The following SLC38A12 variants were observed in gnomAD, a reference collection of about 807,000 sequenced individuals.
The protein encoded by SLC38A12 is putative sodium-coupled neutral amino acid transporter 12.
At chr17:74,816,722 C>T in the SLC38A12 span, among the ~76,000 whole-genome samples, 4 of 151,754 alleles carry the variant, frequency 2.6e-5, no homozygotes, top group Non-Finnish European at 5.9e-5. Context: ...TGCAGCGACT[C>T]GTGTCTCTGC....
At chr17:74,831,718 T>C in the SLC38A12 span, among the ~76,000 whole-genome samples, 1 of 152,232 alleles carries the variant, frequency 6.6e-6, no homozygotes, top group African/African-American at 2.4e-5. Context: ...CCGACCCCCC[T>C]GCACATCTGA....
At chr17:74,822,737 C>T in the SLC38A12 span, among the ~76,000 whole-genome samples, 1 of 152,200 alleles carries the variant, frequency 6.6e-6, no homozygotes, top group Non-Finnish European at 1.5e-5. Flanking sequence ...AACTCTGAAG[C>T]GCAGCTGGGT....
chr17:74,787,894 A>G, the SLC38A12 span, among the ~76,000 whole-genome samples: 1 of 151,730 alleles, frequency 6.6e-6, no homozygotes, highest in African/African-American at 2.4e-5. Context: ...CCCGGATTCA[A>G]GCAATTCTCC....
chr17:74,809,967 A>G, the SLC38A12 span, among the ~76,000 whole-genome samples: 149 of 152,154 alleles, frequency 9.8e-4, 1 homozygote, highest in African/African-American at 3.4e-3. Context: ...TTTCCTCCCG[A>G]CCAGCCCCTG....
chr17:74,808,331 T>G, the SLC38A12 span, among the ~76,000 whole-genome samples: 3 of 152,250 alleles, frequency 2.0e-5, no homozygotes, highest in Admixed American at 2.0e-4. Flanking sequence ...GGGACTGGGC[T>G]TTGACTGAAG....
the SLC38A12 span, among the ~76,000 whole-genome samples, chr17:74,792,132 C>T: frequency 1.4e-5 from 2 of 141,122 alleles, no homozygotes; most frequent in African/African-American, 2.7e-5. Context: ...GGCTACAGAG[C>T]GAGACTCCGT....
chr17:74,805,754 A>G, the SLC38A12 span, among the ~76,000 whole-genome samples: 2 of 152,094 alleles, frequency 1.3e-5, no homozygotes, highest in South Asian at 2.1e-4. This position sits in a 1 kb window ranked among gnomAD's most constrained non-coding sequence, Gnocchi z 5.0. Context: ...TGCTTCCTCC[A>G]GCTCCTGCTG....
the SLC38A12 span, among the ~76,000 whole-genome samples, chr17:74,799,951 C>T: frequency 6.6e-6 from 1 of 152,234 alleles, no homozygotes; most frequent in Non-Finnish European, 1.5e-5. Flanking sequence ...TACCTTGCAT[C>T]GGTGTAGCAC....
At chr17:74,798,846 C>G in the SLC38A12 span, among the ~76,000 whole-genome samples, 13 of 151,506 alleles carry the variant, frequency 8.6e-5, no homozygotes, top group Admixed American at 3.3e-4. Flanking sequence ...GGGAACATCT[C>G]AGGATTCTTT....
the SLC38A12 span, chr17:74,836,996 A>G: frequency 7.0e-5 from 82 of 1,169,278 alleles, no homozygotes; most frequent in Non-Finnish European, 7.4e-5. This position sits in a 1 kb window ranked among gnomAD's most constrained non-coding sequence, Gnocchi z 4.2. Context: ...CTTCACCCCC[A>G]ACCCTACTTC....
At chr17:74,819,655 T>A in the SLC38A12 span, 1 of 1,239,062 alleles carries the variant, frequency 8.1e-7, no homozygotes, top group Non-Finnish European at 1.2e-6. Context: ...CGGCCTTAGC[T>A]ATGGGCGGAG....
the SLC38A12 span, chr17:74,836,424 C>T: frequency 6.2e-7 from 1 of 1,609,710 alleles, no homozygotes; most frequent in Non-Finnish European, 8.5e-7. The surrounding 1 kb of genome is among the most constrained non-coding windows in gnomAD (Gnocchi z 4.2). Context: ...GCCGCCTGTG[C>T]TGGTGGCCTT....
the SLC38A12 span, among the ~76,000 whole-genome samples, chr17:74,826,477 C>T: frequency 6.6e-6 from 1 of 152,186 alleles, no homozygotes; most frequent in African/African-American, 2.4e-5. Flanking sequence ...AGAAGCTGGC[C>T]CACATGGGAA....
the SLC38A12 span, among the ~76,000 whole-genome samples, chr17:74,803,749 C>T: frequency 6.6e-6 from 1 of 152,204 alleles, no homozygotes; most frequent in Non-Finnish European, 1.5e-5. Context: ...CGGGCAGACT[C>T]CCAAAGCTCA....
At chr17:74,818,584 G>T in the SLC38A12 span, among the ~76,000 whole-genome samples, 2 of 152,144 alleles carry the variant, frequency 1.3e-5, no homozygotes, top group Admixed American at 6.5e-5. Flanking sequence ...CAGTCACAGG[G>T]GCTGGCCGAG....
chr17:74,801,230 ACT>A, the SLC38A12 span, among the ~76,000 whole-genome samples: 1 of 151,714 alleles, frequency 6.6e-6, no homozygotes, highest in East Asian at 1.9e-4. Context: ...AGTTCTGGAG[ACT>A]CTAGAAAGGT....
the SLC38A12 span, among the ~76,000 whole-genome samples, chr17:74,782,716 C>T: frequency 6.6e-6 from 1 of 152,224 alleles, no homozygotes; most frequent in Non-Finnish European, 1.5e-5. Flanking sequence ...TCTAGCAGCA[C>T]CACTCTGAGC....
the SLC38A12 span, chr17:74,838,101 CG>C: frequency 1.0e-6 from 1 of 985,838 alleles, no homozygotes; most frequent in South Asian, 4.7e-5. Context: ...GCAGGGAACT[CG>C]GGGAGCCCAC....
chr17:74,838,727 C>T, the SLC38A12 span: 1 of 1,443,322 alleles, frequency 6.9e-7, no homozygotes, highest in Non-Finnish European at 9.1e-7. Context: ...CAGGCTTCTG[C>T]CGCTGACGGC....
Sources: gnomAD v4.1 joint callset for allele counts (sites outside exome capture counted in the v4.1 genomes callset) on GRCh38, gnomAD v4.1.1 for gene constraint, Gnocchi (gnomAD v3.1) non-coding constraint, MANE v1.5 for transcripts, NCBI Gene and HGNC (gene_info 2026-07-23, HGNC 2026-07-21) for gene names.